GPC6: variants seen among roughly 807,000 people sequenced by gnomAD.
The protein encoded by GPC6 is glypican 6, also known as glypican-6.
A neutral mutation model predicts 55.2 loss-of-function variants in GPC6; 14 were observed. The observed-to-expected ratio is 0.25, with a 90% CI of 0.17 to 0.40. GPC6 has a LOEUF of 0.40. GPC6 is among the 10% of genes least tolerant of loss of function. The pLI is 1.00. For missense variants in GPC6, 641 were observed against 708.5 expected, an observed-to-expected ratio of 0.90 and a Z score of 1.08; for synonymous variants, 278 against 259.6, an observed-to-expected ratio of 1.07 and a Z score of -0.68.
chr13:93,790,284 A>G (rs145040569), intron 2 of GPC6, among the ~76,000 whole-genome samples: 2 of 152,166 alleles, frequency 1.3e-5, no homozygotes, highest in Non-Finnish European at 2.9e-5. Context: ...TTGTTTCCCA[A>G]TGGGAAATCT....
intron 3 of GPC6, among the ~76,000 whole-genome samples, chr13:93,919,581 A>C (rs1349003850): frequency 6.6e-6 from 1 of 152,218 alleles, no homozygotes; most frequent in Non-Finnish European, 1.5e-5. Context: ...TCAGAATCTT[A>C]GGAAACGGGC....
At chr13:93,529,944 A>C (rs1297162402) in intron 1 of GPC6, among the ~76,000 whole-genome samples, 4 of 152,226 alleles carry the variant, frequency 2.6e-5, no homozygotes, top group Admixed American at 6.5e-5. Context: ...TAAATAAATG[A>C]AGAAAGTGAG....
intron 4 of GPC6, among the ~76,000 whole-genome samples, chr13:94,139,514 G>T (rs1467771553): frequency 6.6e-6 from 1 of 152,088 alleles, no homozygotes; most frequent in Non-Finnish European, 1.5e-5. Flanking sequence ...TGCCTCATCT[G>T]CCAAGTATCT....
intron 2 of GPC6, among the ~76,000 whole-genome samples, chr13:93,564,996 A>C (rs1195327099): frequency 6.6e-6 from 1 of 152,224 alleles, no homozygotes; most frequent in Non-Finnish European, 1.5e-5. Context: ...GAAAACAAAA[A>C]ACATTCCCTC....
At chr13:93,217,424 C>T in the GPC6 span, among the ~76,000 whole-genome samples, 1 of 151,852 alleles carries the variant, frequency 6.6e-6, no homozygotes, top group Admixed American at 6.6e-5. Flanking sequence ...TTATGTGTGC[C>T]CCAGAGAATC....
intron 4 of GPC6, among the ~76,000 whole-genome samples, chr13:94,067,511 T>C (rs1163344510): frequency 6.6e-6 from 1 of 152,056 alleles, no homozygotes; most frequent in Non-Finnish European, 1.5e-5. Flanking sequence ...TCTGTGTCTA[T>C]GTATAGAGAT....
chr13:94,117,715 C>T (rs1886480721), intron 4 of GPC6, among the ~76,000 whole-genome samples: 1 of 152,106 alleles, frequency 6.6e-6, no homozygotes. Context: ...TCAGCAGGCA[C>T]CATGGACCAA....
intron 8 of GPC6, among the ~76,000 whole-genome samples, chr13:94,398,909 G>A (rs1881010228): frequency 6.6e-6 from 1 of 152,190 alleles, no homozygotes; most frequent in Non-Finnish European, 1.5e-5. Context: ...TCATCTACCA[G>A]TTGATTCATT....
At chr13:93,797,321 A>G (rs1361912365) in intron 2 of GPC6, among the ~76,000 whole-genome samples, 1 of 152,206 alleles carries the variant, frequency 6.6e-6, no homozygotes, top group Non-Finnish European at 1.5e-5. Context: ...CCTTTCCACC[A>G]TCTTCACAGA....
chr13:94,184,101 C>T (rs1023774214), intron 4 of GPC6, among the ~76,000 whole-genome samples: 1 of 152,060 alleles, frequency 6.6e-6, no homozygotes, highest in Non-Finnish European at 1.5e-5. Flanking sequence ...ACAACCTTTA[C>T]CTTTCACCAT....
At chr13:93,512,790 G>A (rs1881033236) in intron 1 of GPC6, among the ~76,000 whole-genome samples, 1 of 151,868 alleles carries the variant, frequency 6.6e-6, no homozygotes, top group South Asian at 2.1e-4. Context: ...CTAAATGGTA[G>A]GTTGTTTCAA....
intron 3 of GPC6, among the ~76,000 whole-genome samples, chr13:93,860,217 C>G (rs1248762331): frequency 6.6e-6 from 1 of 151,612 alleles, no homozygotes; most frequent in East Asian, 2.0e-4. Flanking sequence ...AATTATATCA[C>G]ATTGCAGTTT....
rs559851046 is a variant in GPC6 at position 94,060,714 on chromosome 13, G to A, written c.877+32820G>A. Among the ~76,000 whole-genome samples the A allele has an allele frequency of 1.9e-4, 29 of 152,272 alleles. No individual in the cohort carries two copies. In the South Asian group the frequency reaches 6.0e-3, roughly 32 times the overall value. ...ACTATCTTTCATAATTAAGGTTTTA[G>A]AGGTCATCACTCAATCAAGTATAAT... On this transcript the variant is annotated intron_variant, in intron 4 of 8. Coordinates refer to ENST00000377047, the MANE Select transcript of GPC6 (RefSeq NM_005708.5).
intron 2 of GPC6, among the ~76,000 whole-genome samples, chr13:93,699,157 T>A (rs1185630841): frequency 6.6e-6 from 1 of 152,098 alleles, no homozygotes; most frequent in East Asian, 1.9e-4. Flanking sequence ...CCACATACTT[T>A]CCTATGCATG....
At chr13:94,317,626 G>A (rs1395658339) in intron 6 of GPC6, among the ~76,000 whole-genome samples, 1 of 152,114 alleles carries the variant, frequency 6.6e-6, no homozygotes, top group African/African-American at 2.4e-5. Flanking sequence ...TTAATGGTGA[G>A]GGCTCAAGTG....
intron 2 of GPC6, among the ~76,000 whole-genome samples, chr13:93,776,096 T>C (rs1166692650): frequency 1.5e-5 from 2 of 130,566 alleles, no homozygotes; most frequent in African/African-American, 5.9e-5. Flanking sequence ...TGTACATTTT[T>C]ACTAAGCACT....
chr13:93,405,179 C>CTTCATCTTGTT (rs1333433941), intron 1 of GPC6, among the ~76,000 whole-genome samples: 6 of 152,172 alleles, frequency 3.9e-5, no homozygotes, highest in Non-Finnish European at 8.8e-5. Flanking sequence ...CCACCCCCTC[C>CTTCATCTTGTT]TTCATCTTGT....
At chr13:93,695,141 A>T (rs1044240894) in intron 2 of GPC6, among the ~76,000 whole-genome samples, 1 of 152,154 alleles carries the variant, frequency 6.6e-6, no homozygotes, top group African/African-American at 2.4e-5. Context: ...ATTTTATGAA[A>T]TATTTAGCAA....
intron 2 of GPC6, among the ~76,000 whole-genome samples, chr13:93,786,868 A>G (rs954502026): frequency 3.3e-5 from 5 of 152,166 alleles, no homozygotes; most frequent in African/African-American, 9.7e-5. Flanking sequence ...GAAAAATGTG[A>G]TATTATTTTC....
Sources: gnomAD v4.1 joint callset for allele counts (sites outside exome capture counted in the v4.1 genomes callset) on GRCh38, gnomAD v4.1.1 for gene constraint, MANE v1.5 for transcripts, NCBI Gene and HGNC (gene_info 2026-07-23, HGNC 2026-07-21) for gene names.